PCDHA3: variants seen among roughly 807,000 people sequenced by gnomAD.
PCDHA3 encodes protocadherin alpha-3.
In PCDHA3, 41 loss-of-function variants were observed where a neutral mutation model predicts 62.2. The ratio of observed to expected loss-of-function variants is 0.66; its 90% CI spans 0.51 to 0.86. The LOEUF is 0.86. PCDHA3 is among the 40% of genes least tolerant of loss of function. The pLI, the probability that PCDHA3 is intolerant of heterozygous loss-of-function variation, is 0.00. For synonymous variants in PCDHA3, 640 were observed against 555.4 expected, an observed-to-expected ratio of 1.15 and a Z score of -2.14; for missense variants, 1,304 against 1,241.2, an observed-to-expected ratio of 1.05 and a Z score of -0.76.
At chr5:140,856,876 G>A (rs1554149244) in intron 1 of PCDHA3, 1 of 1,596,004 alleles carries the variant, frequency 6.3e-7, no homozygotes, top group Non-Finnish European at 8.6e-7. Context: ...ACAAGGAAAT[G>A]ATGTATTCAT....
intron 1 of PCDHA3, among the ~76,000 whole-genome samples, chr5:140,939,456 T>C (rs1554212738): frequency 6.6e-6 from 1 of 152,206 alleles, no homozygotes; most frequent in Non-Finnish European, 1.5e-5. Flanking sequence ...GTGAAATTTA[T>C]AGGCCTAGAA....
At chr5:140,921,834 A>G (rs2080429595) in intron 1 of PCDHA3, among the ~76,000 whole-genome samples, 1 of 152,142 alleles carries the variant, frequency 6.6e-6, no homozygotes, top group Non-Finnish European at 1.5e-5. Context: ...ATACACATAT[A>G]GACATATTTA....
rs1228341912 is a variant in PCDHA3 at position 140,843,752 on chromosome 5, T to G, written c.2394+40161T>G. 2.6e-6 allele frequency: 4 copies of G among 1,516,428 alleles called. No individual in the cohort carries two copies. In the African/African-American group the frequency reaches 5.5e-5, roughly 21 times the overall value. The allele number at this position is 1,516,428 out of a possible 1,614,324, so 93.9% of individuals were successfully genotyped here. ...TAAATTTAGAACTCATAAATTCTAT[T>G]TGTGGAAATTGTAGTTACTTTAAAA... On this transcript the variant is annotated intron_variant, in intron 1 of 3. Transcript: ENST00000522353.
At chr5:140,850,328 GCAGCC>G (rs2150480020) in intron 1 of PCDHA3, 3 of 1,597,678 alleles carry the variant, frequency 1.9e-6, no homozygotes, top group South Asian at 2.2e-5. Context: ...CATACGAGCT[GCAGCC>G]AGAAACGGCC....
intron 1 of PCDHA3, chr5:140,869,166 C>A: frequency 6.2e-7 from 1 of 1,613,866 alleles, no homozygotes; most frequent in South Asian, 1.1e-5. Context: ...TTCTCCTCCT[C>A]GAATTCTGGG....
At chr5:140,822,783 A>G (rs1177899352) in intron 1 of PCDHA3, 2 of 1,614,034 alleles carry the variant, frequency 1.2e-6, no homozygotes, top group African/African-American at 1.3e-5. Flanking sequence ...GTAAAGTAGT[A>G]GTGAAACTCC....
chr5:140,967,185 A>G, intron 1 of PCDHA3: 1 of 1,613,242 alleles, frequency 6.2e-7, no homozygotes, highest in Non-Finnish European at 8.5e-7. Context: ...GAAATATTGG[A>G]CATCAACGAC....
chr5:140,825,742 G>A (rs1768696427), intron 1 of PCDHA3: 1 of 152,284 alleles, frequency 6.6e-6, no homozygotes, highest in Non-Finnish European at 1.5e-5. Context: ...TATTGATGAG[G>A]AGTAACTGTG....
At position 140,979,015 on chromosome 5, in the gene PCDHA3, T is replaced by C. The variant is rs782169362; in HGVS notation, c.2453+8T>C. ...GAGAGCAGGCATGCACAGGTATGTATTTCCCTCCTCATTCACTCAGAAGTA... is the reference window on the plus strand; with the variant it reads ...GAGAGCAGGCATGCACAGGTATGTACTTCCCTCCTCATTCACTCAGAAGTA... On this transcript the variant is annotated splice_region_variant and intron_variant, in intron 2 of 3. Coordinates refer to ENST00000522353, the MANE Select transcript of PCDHA3 (RefSeq NM_018906.3). 1 of 1,613,802 alleles carries C rather than the reference T, an allele frequency of 6.2e-7. No individual in the cohort carries two copies. Among genetic ancestry groups the C allele is most frequent in the Non-Finnish European group, 8.5e-7 (1 of 1,179,916 alleles).
chr5:140,940,195 T>C (rs2092570084), intron 1 of PCDHA3, among the ~76,000 whole-genome samples: 1 of 152,220 alleles, frequency 6.6e-6, no homozygotes, highest in African/African-American at 2.4e-5. Flanking sequence ...TTTACATGGG[T>C]GTAAAATTCA....
chr5:141,004,806 T>C (rs1326385428), intron 3 of PCDHA3, among the ~76,000 whole-genome samples: 1 of 152,196 alleles, frequency 6.6e-6, no homozygotes, highest in Non-Finnish European at 1.5e-5. Flanking sequence ...CTGAGCTCAA[T>C]TGCAGATTTG....
At chr5:140,805,015 G>A in intron 1 of PCDHA3, 1 of 1,560,672 alleles carries the variant, frequency 6.4e-7, no homozygotes, top group Non-Finnish European at 8.6e-7. Context: ...TCTGTTATCA[G>A]CTTCTTGAAT....
intron 1 of PCDHA3, among the ~76,000 whole-genome samples, chr5:140,832,806 T>C (rs1420120359): frequency 2.0e-5 from 3 of 152,174 alleles, no homozygotes; most frequent in Non-Finnish European, 2.9e-5. Context: ...GTTATTGGAA[T>C]TGGAAAAAAA....
intron 1 of PCDHA3, chr5:140,966,480 TC>T: frequency 2.3e-6 from 1 of 431,902 alleles, no homozygotes; most frequent in Admixed American, 4.4e-5. Flanking sequence ...TGTTTCCTTT[TC>T]CCTCCCCCTG....
intron 3 of PCDHA3, among the ~76,000 whole-genome samples, chr5:140,991,152 C>T (rs533894396): frequency 4.1e-4 from 63 of 152,168 alleles, no homozygotes; most frequent in South Asian, 1.0e-3. Flanking sequence ...TTTTGCTCAC[C>T]ATTGTATTCC....
At chr5:140,873,204 T>TAAAAG (rs2054159059) in intron 1 of PCDHA3, among the ~76,000 whole-genome samples, 1 of 152,168 alleles carries the variant, frequency 6.6e-6, no homozygotes, top group Non-Finnish European at 1.5e-5. Flanking sequence ...AAAACATTCT[T>TAAAAG]TAAGTATTAA....
chr5:140,966,698 G>C, intron 1 of PCDHA3: 2 of 1,363,568 alleles, frequency 1.5e-6, no homozygotes, highest in Non-Finnish European at 1.9e-6. Flanking sequence ...CGGGGCCCGG[G>C]CGTGGGGCAC....
chr5:140,871,657 T>A, intron 1 of PCDHA3: 1 of 1,228,196 alleles, frequency 8.1e-7, no homozygotes, highest in Non-Finnish European at 1.1e-6. Context: ...ATGATACACA[T>A]CTTCAGTCTT....
intron 1 of PCDHA3, among the ~76,000 whole-genome samples, chr5:140,806,072 A>G (rs1333046809): frequency 1.3e-5 from 2 of 152,232 alleles, no homozygotes; most frequent in Non-Finnish European, 2.9e-5. Context: ...CTGGTGCTGC[A>G]GTTTGTAAAA....
Sources: gnomAD v4.1 joint callset for allele counts (sites outside exome capture counted in the v4.1 genomes callset) on GRCh38, gnomAD v4.1.1 for gene constraint, MANE v1.5 for transcripts, NCBI Gene and HGNC (gene_info 2026-07-23, HGNC 2026-07-21) for gene names.